The following BBOX1 variants were observed in gnomAD, a reference collection of about 807,000 sequenced individuals.
BBOX1 encodes the protein gamma-butyrobetaine hydroxylase 1, also known as gamma-butyrobetaine dioxygenase.
Under a neutral mutation model 41.6 loss-of-function variants are expected in BBOX1, and 35 were observed. The observed-to-expected ratio is 0.84, with a 90% CI of 0.64 to 1.11. The LOEUF is 1.11. Among genes scored for constraint, BBOX1 ranks in the 50% most tolerant of loss-of-function variants. BBOX1 has a pLI of 0.00. For missense variants in BBOX1, 458 were observed against 460.6 expected, an observed-to-expected ratio of 0.99 and a Z score of 0.05; for synonymous variants, 163 against 154.7, an observed-to-expected ratio of 1.05 and a Z score of -0.40.
chr11:27,095,206 A>G (rs538115713), intron 5 of BBOX1, among the ~76,000 whole-genome samples: 94 of 152,108 alleles, frequency 6.2e-4, no homozygotes, highest in Non-Finnish European at 1.2e-3. Context: ...ATCTCTTCTA[A>G]GTCGTTTTAC....
At chr11:27,110,346 T>C (rs911496287) in intron 5 of BBOX1, among the ~76,000 whole-genome samples, 1 of 151,910 alleles carries the variant, frequency 6.6e-6, no homozygotes, top group African/African-American at 2.4e-5. Context: ...TTCAGTGGCT[T>C]CCCATCACAT....
chr11:27,087,005 A>G (rs1467737913), intron 4 of BBOX1, among the ~76,000 whole-genome samples: 1 of 152,098 alleles, frequency 6.6e-6, no homozygotes, highest in South Asian at 2.1e-4. Context: ...CTACAATCTC[A>G]TAATAAAACT....
intron 5 of BBOX1, among the ~76,000 whole-genome samples, chr11:27,113,300 G>A (rs1024020571): frequency 6.6e-6 from 1 of 151,910 alleles, no homozygotes; most frequent in Non-Finnish European, 1.5e-5. Flanking sequence ...CCACTATTGA[G>A]TGTATACCCA....
In BBOX1 at chr11:27,107,636, G is replaced by C. The variant is rs375961931; in HGVS notation, c.534-7816G>C. On this transcript the variant is annotated intron_variant, in intron 5 of 8. Transcript: ENST00000263182. ...TAGCATTAGAATCTGTCTCTAATGA[G>C]GGGTGCATGTAAGTACACCTTCATC... Among the ~76,000 whole-genome samples the C allele has an allele frequency of 3.7e-4, 57 of 152,012 alleles. No individual in the cohort carries two copies. In the South Asian group the frequency reaches 0.01, roughly 27 times the overall value.
chr11:27,110,033 C>G (rs964188186), intron 5 of BBOX1, among the ~76,000 whole-genome samples: 6 of 151,976 alleles, frequency 3.9e-5, no homozygotes, highest in Admixed American at 2.6e-4. Flanking sequence ...GGACCTCCCC[C>G]ACCTGGTTTC....
chr11:27,065,075 G>A (rs540180209), intron 4 of BBOX1, among the ~76,000 whole-genome samples: 9 of 152,128 alleles, frequency 5.9e-5, no homozygotes, highest in Non-Finnish European at 8.8e-5. Context: ...AGTTCTTGGG[G>A]AAGGCCTATT....
chr11:27,073,855 C>A (rs1247263338), intron 4 of BBOX1, among the ~76,000 whole-genome samples: 1 of 151,664 alleles, frequency 6.6e-6, no homozygotes, highest in Non-Finnish European at 1.5e-5. Flanking sequence ...TAGGTGGGAA[C>A]TGAACAATGA....
At chr11:27,125,116 T>C (rs569201316) in intron 7 of BBOX1, among the ~76,000 whole-genome samples, 8 of 152,304 alleles carry the variant, frequency 5.3e-5, no homozygotes, top group African/African-American at 1.9e-4. Flanking sequence ...AGTAAATAGA[T>C]AGAAAGAATA....
chr11:27,095,014 A>G (rs555349523), intron 5 of BBOX1, among the ~76,000 whole-genome samples: 1 of 152,088 alleles, frequency 6.6e-6, no homozygotes, highest in East Asian at 1.9e-4. Context: ...CAGTTCACTG[A>G]TAAGGAAACT....
intron 3 of BBOX1, among the ~76,000 whole-genome samples, chr11:27,056,744 T>TG (rs1393864249): frequency 6.6e-6 from 1 of 152,002 alleles, no homozygotes; most frequent in African/African-American, 2.4e-5. Flanking sequence ...CTTCCTTGTT[T>TG]TCCAAAAGCG....
chr11:27,113,862 T>C (rs1859165830), intron 5 of BBOX1, among the ~76,000 whole-genome samples: 1 of 150,040 alleles, frequency 6.7e-6, no homozygotes, highest in Non-Finnish European at 1.5e-5. Context: ...ACAAAAATGC[T>C]AGCTTTCACC....
At chr11:27,067,291 G>A (rs1388589487) in intron 4 of BBOX1, among the ~76,000 whole-genome samples, 1 of 151,986 alleles carries the variant, frequency 6.6e-6, no homozygotes, top group African/African-American at 2.4e-5. Flanking sequence ...TAGCACAGTG[G>A]TGGAGTCTGA....
chr11:27,061,420 C>A (rs945693784), intron 4 of BBOX1, among the ~76,000 whole-genome samples: 2 of 152,156 alleles, frequency 1.3e-5, no homozygotes, highest in African/African-American at 4.8e-5. Flanking sequence ...AAAATACATT[C>A]TCAAGCTGTG....
chr11:27,122,948 T>C (rs1266917693), intron 7 of BBOX1, among the ~76,000 whole-genome samples: 1 of 152,188 alleles, frequency 6.6e-6, no homozygotes, highest in East Asian at 1.9e-4. Context: ...TTCCTCAGCA[T>C]GCAAACTTAC....
chr11:27,052,147 A>G lies in BBOX1; in HGVS notation c.-38-3246A>G, dbSNP rs538075882. Among the ~76,000 whole-genome samples, 72 of 152,214 alleles carry G rather than the reference A, an allele frequency of 4.7e-4. 2 individuals are homozygous for G. Among genetic ancestry groups the G allele is most frequent in the Admixed American group, 4.7e-3 (72 of 15,296 alleles). On this transcript the variant is annotated intron_variant, in intron 2 of 8. Transcript: ENST00000263182. The stretch of plus-strand genomic sequence containing the variant: ...TCCCCTGGTATTGATTTGATGACAA[A>G]GTCATTATCTTTCATAAAATGATAT...
intron 5 of BBOX1, among the ~76,000 whole-genome samples, chr11:27,108,060 A>C (rs1333056628): frequency 6.6e-6 from 1 of 152,056 alleles, no homozygotes; most frequent in Non-Finnish European, 1.5e-5. Flanking sequence ...GTGAAGATAG[A>C]CTTTTAGGCT....
Position 27,127,374 on chromosome 11 carries a change from T to G in BBOX1, c.1085T>G (p.Leu362Arg). Residue 362 changes from leucine to arginine, a missense_variant, in exon 9 of 9, where the codon CTA (leucine) becomes CGA (arginine). By Grantham distance (102) the Leu-to-Arg change is moderately radical (BLOSUM62 -2). Coordinates refer to ENST00000263182, the MANE Select transcript of BBOX1 (RefSeq NM_003986.3). The part of the protein sequence containing the change: ...YEAGTEISRH[L>R]EGAYADWDVV... ...GCAGGAACTGAGATATCCCGCCATC[T>G]AGAAGGAGCTTATGCTGACTGGGAT... 6.2e-7 allele frequency: 1 copy of G among 1,614,172 alleles called. No individual in the cohort carries two copies. Among genetic ancestry groups the G allele is most frequent in the African/African-American group, 1.3e-5 (1 of 75,062 alleles).
intron 4 of BBOX1, among the ~76,000 whole-genome samples, chr11:27,087,113 T>C (rs994764317): frequency 6.6e-6 from 1 of 152,054 alleles, no homozygotes; most frequent in African/African-American, 2.4e-5. Flanking sequence ...ATTGTTGAAA[T>C]GAAAACGAAG....
At chr11:27,080,339 C>T (rs1261872277) in intron 4 of BBOX1, among the ~76,000 whole-genome samples, 4 of 152,066 alleles carry the variant, frequency 2.6e-5, no homozygotes, top group Admixed American at 6.6e-5. Flanking sequence ...CATTACTACA[C>T]TGAATGGTCA....
Sources: allele counts gnomAD v4.1 joint callset (sites outside exome capture counted in the v4.1 genomes callset), GRCh38; gene constraint gnomAD v4.1.1; transcripts MANE v1.5; gene names NCBI Gene and HGNC (gene_info 2026-07-23, HGNC 2026-07-21).